Variants in PTPRM observed in about 807,000 individuals in gnomAD.
PTPRM encodes the protein receptor-type tyrosine-protein phosphatase mu.
A neutral mutation model predicts 186.7 loss-of-function variants in PTPRM; 47 were observed. The ratio of observed to expected loss-of-function variants is 0.25; its 90% confidence interval spans 0.20 to 0.32. The LOEUF is 0.32. Ranked by LOEUF, PTPRM falls within the 10% of genes least tolerant of loss-of-function variation. The pLI, the probability that PTPRM is intolerant of heterozygous loss-of-function variation, is 1.00. For synonymous variants in PTPRM, 668 were observed against 674.9 expected (o/e 0.99, Z 0.16); for missense variants, 1,494 against 1,865.0 (o/e 0.80, Z 3.66).
intron 1 of PTPRM, among the ~76,000 whole-genome samples, chr18:7,736,750 A>C (rs930953697): frequency 1.3e-5 from 2 of 152,222 alleles, no homozygotes; most frequent in Non-Finnish European, 2.9e-5. Flanking sequence ...GGAATCTATG[A>C]ATAACATCAC....
chr18:7,944,977 G>A (rs946637982), intron 5 of PTPRM, among the ~76,000 whole-genome samples: 3 of 152,134 alleles, frequency 2.0e-5, no homozygotes, highest in Non-Finnish European at 4.4e-5. Context: ...TTGAGAGGTG[G>A]GGCCTTTAAG....
At chr18:7,996,099 C>A (rs1251793636) in intron 7 of PTPRM, among the ~76,000 whole-genome samples, 4 of 151,892 alleles carry the variant, frequency 2.6e-5, no homozygotes, top group Non-Finnish European at 5.9e-5. Context: ...GTAAAAGAGA[C>A]AAAAGCTTTT....
intron 2 of PTPRM, among the ~76,000 whole-genome samples, chr18:7,879,309 A>G (rs982395273): frequency 2.0e-5 from 3 of 152,070 alleles, no homozygotes; most frequent in Non-Finnish European, 4.4e-5. Context: ...GTTTACAGCC[A>G]CTTCTGGTTG....
intron 1 of PTPRM, among the ~76,000 whole-genome samples, chr18:7,619,347 G>T (rs2037881525): frequency 6.6e-6 from 1 of 152,160 alleles, no homozygotes; most frequent in Non-Finnish European, 1.5e-5. Flanking sequence ...TTCTAAGAAA[G>T]AAAGAACTTT....
chr18:8,315,300 C>T (rs1463362453), intron 21 of PTPRM, among the ~76,000 whole-genome samples: 4 of 152,162 alleles, frequency 2.6e-5, no homozygotes, highest in South Asian at 2.1e-4. Context: ...CCTAATACGG[C>T]GATTTGCAAT....
intron 20 of PTPRM, among the ~76,000 whole-genome samples, chr18:8,303,752 A>G (rs745788769): frequency 6.6e-6 from 1 of 152,196 alleles, no homozygotes; most frequent in African/African-American, 2.4e-5. Context: ...TGGAGCCACC[A>G]TCATCGAACT....
rs115145561 is a variant in PTPRM at position 7,879,965 on chromosome 18, A to T, written c.197-8141A>T. Among the ~76,000 whole-genome samples the T allele has an allele frequency of 8.6e-3, 1,308 of 152,286 alleles. 18 individuals carry two copies. Among genetic ancestry groups the T allele is most frequent in the African/African-American group, 0.03 (1,238 of 41,560 alleles). On this transcript the variant is annotated intron_variant, in intron 2 of 32. Transcript: ENST00000580170. ...CTGGGAAGGACTCAGGAAACTTAGA[A>T]TCCTGGCAGAAGGTGGAGCAAACAC...
intron 13 of PTPRM, among the ~76,000 whole-genome samples, 181 bp from the exon 14 acceptor site, chr18:8,143,466 A>G (rs1039544877): frequency 3.9e-5 from 6 of 152,240 alleles, no homozygotes; most frequent in Non-Finnish European, 7.3e-5. Flanking sequence ...ATTGAAGAAC[A>G]ATGTGAACAA....
intron 1 of PTPRM, among the ~76,000 whole-genome samples, chr18:7,696,823 A>G (rs1046377804): frequency 1.5e-4 from 23 of 152,318 alleles, no homozygotes; most frequent in Admixed American, 1.3e-3. Flanking sequence ...ACCAAATGAC[A>G]TAGTATTCTG....
chr18:8,333,230 CA>C (rs1156458428), intron 22 of PTPRM, among the ~76,000 whole-genome samples: 2 of 152,090 alleles, frequency 1.3e-5, no homozygotes, highest in African/African-American at 4.8e-5. Flanking sequence ...GCAGCTGAAA[CA>C]AAAAATATTT....
chr18:7,717,472 G>T (rs772333698), intron 1 of PTPRM, among the ~76,000 whole-genome samples: 1 of 152,010 alleles, frequency 6.6e-6, no homozygotes, highest in African/African-American at 2.4e-5. Context: ...CAGTAAAATC[G>T]CCCACAGTTA....
At chr18:7,604,982 G>A (rs559945799) in intron 1 of PTPRM, among the ~76,000 whole-genome samples, 1 of 152,166 alleles carries the variant, frequency 6.6e-6, no homozygotes, top group Admixed American at 6.5e-5. Flanking sequence ...TTCTTTCTTG[G>A]TGCTGACAAA....
At chr18:7,757,710 T>A (rs1270714337) in intron 1 of PTPRM, among the ~76,000 whole-genome samples, 1 of 152,188 alleles carries the variant, frequency 6.6e-6, no homozygotes, top group African/African-American at 2.4e-5. Context: ...TGCTAGTACA[T>A]TCTGTGGCAG....
intron 29 of PTPRM, among the ~76,000 whole-genome samples, chr18:8,383,384 T>C (rs1372769832): frequency 1.7e-5 from 2 of 119,118 alleles, no homozygotes; most frequent in East Asian, 4.7e-4. Flanking sequence ...AAAGGAAGAG[T>C]AATTTCAAAC....
chr18:7,882,250 A>G (rs1313840993), intron 2 of PTPRM, among the ~76,000 whole-genome samples: 1 of 151,962 alleles, frequency 6.6e-6, no homozygotes, highest in Non-Finnish European at 1.5e-5. Context: ...AAACAATTTC[A>G]TTTTTCTAGC....
At chr18:7,925,265 A>T (rs1599542885) in intron 4 of PTPRM, among the ~76,000 whole-genome samples, 1 of 152,332 alleles carries the variant, frequency 6.6e-6, no homozygotes, top group Non-Finnish European at 1.5e-5. Context: ...ATGTTAATAT[A>T]TTAGTATTAA....
intron 2 of PTPRM, among the ~76,000 whole-genome samples, chr18:7,794,778 A>G (rs2043528533): frequency 6.6e-6 from 1 of 152,176 alleles, no homozygotes; most frequent in African/African-American, 2.4e-5. Context: ...AAGTAATACC[A>G]CTTAAAAATT....
chr18:8,264,307 C>A, intron 19 of PTPRM, among the ~76,000 whole-genome samples: 1 of 152,116 alleles, frequency 6.6e-6, no homozygotes, highest in African/African-American at 2.4e-5. Flanking sequence ...ACTATTCCAA[C>A]AAAGAAACTC....
At chr18:7,959,022 G>C (rs2053499415) in intron 7 of PTPRM, among the ~76,000 whole-genome samples, 1 of 152,166 alleles carries the variant, frequency 6.6e-6, no homozygotes. Flanking sequence ...CATAGGACTA[G>C]AGAAAAACTG....
Sources: allele counts gnomAD v4.1 joint callset (sites outside exome capture counted in the v4.1 genomes callset), GRCh38; gene constraint gnomAD v4.1.1; transcripts MANE v1.5; gene names NCBI Gene and HGNC (gene_info 2026-07-23, HGNC 2026-07-21).